The following CDH22 variants were observed in gnomAD, a reference collection of about 807,000 sequenced individuals.
The protein encoded by CDH22 is cadherin 22.
A neutral mutation model predicts 58.4 loss-of-function variants in CDH22; 30 were observed. The ratio of observed to expected loss-of-function variants is 0.51; its 90% CI spans 0.38 to 0.70. The LOEUF (loss-of-function observed/expected upper bound fraction) is 0.70, where lower values mean the gene tolerates loss of function less well. Among genes scored for constraint, CDH22 ranks in the 30% least tolerant of loss-of-function variants. The pLI is 0.00. For missense variants in CDH22, 1,014 were observed against 1,233.9 expected (o/e 0.82, Z 2.67); for synonymous variants, 513 against 558.2 (o/e 0.92, Z 1.14).
Position 46,213,010 on chromosome 20 carries a change from G to A in CDH22, c.1017C>T (p.Ile339=), listed in dbSNP as rs2086055195. 1 of 1,614,106 alleles carries A rather than the reference G, an allele frequency of 6.2e-7. No individual in the cohort carries two copies. The change falls in exon 6 of 12, where the codon ATC becomes ATT. Residue 339 remains isoleucine, a synonymous_variant. Transcript: ENST00000537909. ...VTTDSDTQEA[I]IVVQKRLDFE... is the part of the protein sequence containing the mutation. Reference sequence around the variant, plus strand: ...GCAGCTGCACCTTCTGCACTACGATGATGGCCTCCTGAGTGTCGCTGTCTG... The same window carrying A: ...GCAGCTGCACCTTCTGCACTACGATAATGGCCTCCTGAGTGTCGCTGTCTG...
intron 4 of CDH22, among the ~76,000 whole-genome samples, chr20:46,223,395 A>G (rs982571293): frequency 2.4e-4 from 36 of 152,000 alleles, no homozygotes; most frequent in African/African-American, 7.7e-4. Flanking sequence ...AAGGCTTATC[A>G]ACCCTAGGGT....
chr20:46,292,275 CA>C (rs2086607402), intron 1 of CDH22, among the ~76,000 whole-genome samples: 2 of 152,210 alleles, frequency 1.3e-5, no homozygotes, highest in Non-Finnish European at 2.9e-5. Context: ...CCAATAAATG[CA>C]AAGGTCCCAT....
rs909860382 is a variant in CDH22 at position 46,265,631 on chromosome 20, A to G, written c.-399-13938T>C. ...GTCTTGCTTGTTTTTGAGCTTGTAT[A>G]TCATACTGAATGGTCTTTTGCATCT... On this transcript the variant is annotated intron_variant, in intron 1 of 11. Coordinates refer to ENST00000537909, the MANE Select transcript of CDH22 (RefSeq NM_021248.3). 4.8e-4 allele frequency among the ~76,000 whole-genome samples: 73 copies of G among 152,076 alleles called. 2 individuals carry two copies. Among genetic ancestry groups the G allele is most frequent in the Admixed American group, 6.5e-4 (10 of 15,272 alleles).
At chr20:46,225,493 AAAT>A (rs1328682043) in intron 4 of CDH22, among the ~76,000 whole-genome samples, 1 of 152,232 alleles carries the variant, frequency 6.6e-6, no homozygotes, top group African/African-American at 2.4e-5. Context: ...CATGTAAAAA[AAAT>A]AAATACATGT....
intron 4 of CDH22, among the ~76,000 whole-genome samples, chr20:46,218,710 C>A (rs2086103157): frequency 6.6e-6 from 1 of 152,158 alleles, no homozygotes; most frequent in Admixed American, 6.5e-5. Context: ...ACGGAGCAGA[C>A]AGTCCTCCAA....
intron 8 of CDH22, among the ~76,000 whole-genome samples, chr20:46,188,658 A>G (rs1210559767): frequency 1.3e-5 from 2 of 152,196 alleles, no homozygotes; most frequent in African/African-American, 4.8e-5. Flanking sequence ...CCTATTAGCA[A>G]TAACATTAAA....
intron 1 of CDH22, among the ~76,000 whole-genome samples, chr20:46,258,221 G>A (rs1180250938): frequency 6.6e-6 from 1 of 152,122 alleles, no homozygotes; most frequent in Non-Finnish European, 1.5e-5. Context: ...CTGGGAGGAG[G>A]GAAGGTGGGG....
chr20:46,217,069 G>A, intron 4 of CDH22, 76 bp from the exon 5 acceptor site: 1 of 1,424,820 alleles, frequency 7.0e-7, no homozygotes, highest in South Asian at 1.3e-5. Context: ...GTACAGGCGG[G>A]ATTCAGACCC....
chr20:46,284,521 G>A (rs2086567194), intron 1 of CDH22, among the ~76,000 whole-genome samples: 1 of 152,148 alleles, frequency 6.6e-6, no homozygotes, highest in African/African-American at 2.4e-5. Flanking sequence ...CATTTCACCT[G>A]ACAGCCCCAG....
chr20:46,216,049 C>T lies in CDH22; in HGVS notation c.838+777G>A, dbSNP rs1426948871. Among the ~76,000 whole-genome samples, 13 of 150,942 alleles carry T rather than the reference C, an allele frequency of 8.6e-5. No homozygotes were observed. The highest frequency in any genetic ancestry group is 2.6e-4 in the Admixed American group (4 of 15,178). On this transcript the variant is annotated intron_variant, in intron 5 of 11. Coordinates refer to ENST00000537909, the MANE Select transcript of CDH22 (RefSeq NM_021248.3). This position sits in a 1 kb window ranked among gnomAD's most constrained non-coding sequence, Gnocchi z 5.3. ...TCTCTCGGGGGTCAGTCCCCTGTGG[C>T]GGGGCCTAATGTGAGAGCAGCAGAC... is the stretch of plus-strand genomic sequence containing the variant.
Position 46,216,690 on chromosome 20 carries a change from G to T in CDH22, c.838+136C>A. 1.2e-6 allele frequency: 1 copy of T among 862,472 alleles called. No homozygotes were observed. The highest frequency in any genetic ancestry group is 1.8e-6 in the Non-Finnish European group (1 of 545,432). The allele number at this position is 862,472 out of a possible 1,614,324, so 53.4% of individuals were successfully genotyped here. A position where few individuals can be genotyped will look rare whatever the true frequency, so the allele number is the denominator to read the frequency against. ...GGATAGCTGGTGGCTTGGGAGGACAGACAGACAGACAGAAAGAGAGGGGGA... is the reference window on the plus strand; with the variant it reads ...GGATAGCTGGTGGCTTGGGAGGACATACAGACAGACAGAAAGAGAGGGGGA... On this transcript the variant is annotated intron_variant, in intron 5 of 11. Transcript: ENST00000537909. This position sits in a 1 kb window ranked among gnomAD's most constrained non-coding sequence, Gnocchi z 5.3.
intron 1 of CDH22, among the ~76,000 whole-genome samples, chr20:46,307,335 G>A (rs1393491523): frequency 6.6e-6 from 1 of 152,246 alleles, no homozygotes; most frequent in African/African-American, 2.4e-5. Flanking sequence ...AGAGGCAGCG[G>A]GGAGGCGCGA....
rs141759294 is a variant in CDH22 at position 46,305,060 on chromosome 20, C to A, written c.-400+3195G>T. 2.6e-5 allele frequency among the ~76,000 whole-genome samples: 4 copies of A among 152,326 alleles called. 1 individual carries two copies. Among genetic ancestry groups the A allele is most frequent in the African/African-American group, 9.6e-5 (4 of 41,564 alleles). On this transcript the variant is annotated intron_variant, in intron 1 of 11. Transcript: ENST00000537909. ...CTGCATATAACAGCCATGCCTCCAG[C>A]CTTCCTGTCCTGCACCTCTGTTTCC...
chr20:46,252,899 G>T (rs1365917755), intron 1 of CDH22, among the ~76,000 whole-genome samples: 2 of 152,336 alleles, frequency 1.3e-5, no homozygotes, highest in East Asian at 3.9e-4. Context: ...GGGAAAGTAG[G>T]CGGGAGACAA....
chr20:46,175,646 G>A (rs571037262), intron 11 of CDH22, among the ~76,000 whole-genome samples: 4 of 152,292 alleles, frequency 2.6e-5, no homozygotes, highest in African/African-American at 9.6e-5. Flanking sequence ...TCCCCAGGAC[G>A]GGGCTCCTTC....
At position 46,217,080 on chromosome 20, in the gene CDH22, T is replaced by C. The variant is rs879657108; in HGVS notation, c.671-87A>G. The stretch of plus-strand genomic sequence containing the variant: ...CCCTGTACAGGCGGGATTCAGACCC[T>C]GTGACTCCTGGGAAAATTAAGCTCA... On this transcript the variant is annotated intron_variant, in intron 4 of 11. Coordinates refer to ENST00000537909, the MANE Select transcript of CDH22 (RefSeq NM_021248.3). 1.6e-4 allele frequency: 218 copies of C among 1,328,534 alleles called. 1 individual carries two copies. The highest frequency in any genetic ancestry group is 2.1e-4 in the Non-Finnish European group (204 of 972,338). The allele number at this position is 1,328,534 out of a possible 1,614,324, so 82.3% of individuals were successfully genotyped here.
chr20:46,232,609 G>T (rs2086227156), intron 3 of CDH22, among the ~76,000 whole-genome samples: 1 of 152,174 alleles, frequency 6.6e-6, no homozygotes, highest in Admixed American at 6.5e-5. Context: ...CTCACATTTA[G>T]CTTCTCAAAC....
intron 11 of CDH22, among the ~76,000 whole-genome samples, chr20:46,175,529 A>G (rs1039308937): frequency 6.6e-6 from 1 of 152,134 alleles, no homozygotes; most frequent in Non-Finnish European, 1.5e-5. Flanking sequence ...CCTCTGCCAC[A>G]CCAGAAGTCT....
rs1330887161 is a variant in CDH22, at chr20:46,174,773, G to A, written c.2220C>T (p.Pro740=). 2.6e-6 allele frequency: 4 copies of A among 1,519,838 alleles called. No individual in the cohort carries two copies. Among genetic ancestry groups the A allele is most frequent in the East Asian group, 2.6e-5 (1 of 38,280 alleles). The allele number at this position is 1,519,838 out of a possible 1,614,324, so 94.1% of individuals were successfully genotyped here. ...RHSLPQGPPS[P]EPDFSVFRDF... ...CCCTGAACACTGAGAAGTCTGGCTCGGGGCTCGGCGGCCCCTGCGGCAGCG... is the reference window on the plus strand; with the variant it reads ...CCCTGAACACTGAGAAGTCTGGCTCAGGGCTCGGCGGCCCCTGCGGCAGCG... Residue 740 remains proline, a synonymous_variant, in exon 12 of 12, where the codon CCC becomes CCT. Coordinates refer to ENST00000537909, the MANE Select transcript of CDH22 (RefSeq NM_021248.3). The surrounding 1 kb of genome is among the most constrained non-coding windows in gnomAD (Gnocchi z 4.4).
Sources: allele counts gnomAD v4.1 joint callset (sites outside exome capture counted in the v4.1 genomes callset), GRCh38; gene constraint gnomAD v4.1.1; non-coding constraint Gnocchi (gnomAD v3.1); transcripts MANE v1.5; gene names NCBI Gene and HGNC (gene_info 2026-07-23, HGNC 2026-07-21).